Variants in GRIK2 observed in about 807,000 individuals in gnomAD.
GRIK2 encodes glutamate receptor ionotropic, kainate 2.
Under a neutral mutation model 100.3 loss-of-function variants are expected in GRIK2, and 32 were observed. The ratio of observed to expected loss-of-function variants is 0.32; its 90% CI spans 0.24 to 0.43. The LOEUF (loss-of-function observed/expected upper bound fraction) is 0.43, where lower values mean the gene tolerates loss of function less well. Ranked by LOEUF, GRIK2 falls within the 20% of genes least tolerant of loss-of-function variation. The pLI, the probability that GRIK2 is intolerant of heterozygous loss-of-function variation, is 1.00. For synonymous variants in GRIK2, 417 were observed against 389.4 expected, an observed-to-expected ratio of 1.07 and a Z score of -0.83; for missense variants, 843 against 1,114.9, an observed-to-expected ratio of 0.76 and a Z score of 3.47.
intron 2 of GRIK2, among the ~76,000 whole-genome samples, chr6:101,506,119 A>T (rs979525621): frequency 6.6e-6 from 1 of 152,112 alleles, no homozygotes; most frequent in African/African-American, 2.4e-5. Context: ...CATTTTACAG[A>T]TGAGGTCTAA....
chr6:101,947,956 C>T (rs1459913319), intron 14 of GRIK2, among the ~76,000 whole-genome samples: 1 of 152,084 alleles, frequency 6.6e-6, no homozygotes, highest in Non-Finnish European at 1.5e-5. Flanking sequence ...GCTTGGCAGT[C>T]TTCATATTGG....
intron 2 of GRIK2, among the ~76,000 whole-genome samples, chr6:101,566,709 A>G (rs1777292829): frequency 6.6e-6 from 1 of 151,140 alleles, no homozygotes; most frequent in Admixed American, 6.6e-5. Flanking sequence ...TTCAAAATCA[A>G]TCAGTGAATT....
At chr6:102,002,098 A>G (rs1285600026) in intron 14 of GRIK2, among the ~76,000 whole-genome samples, 2 of 151,296 alleles carry the variant, frequency 1.3e-5, no homozygotes, top group South Asian at 2.1e-4. Context: ...AAAGTTTTAA[A>G]GCTTTCTTCT....
chr6:101,858,949 C>T (rs9386295), intron 10 of GRIK2, among the ~76,000 whole-genome samples: 25,131 of 150,782 alleles, frequency 0.17, 3,579 homozygotes, highest in East Asian at 0.78. Flanking sequence ...AATTAGATGT[C>T]GGATATGATG....
intron 10 of GRIK2, among the ~76,000 whole-genome samples, chr6:101,840,654 C>A (rs950595570): frequency 6.6e-6 from 1 of 152,078 alleles, no homozygotes; most frequent in Non-Finnish European, 1.5e-5. Flanking sequence ...AGGCATATTT[C>A]TTATTAGGTG....
At chr6:101,953,754 C>T (rs1219426281) in intron 14 of GRIK2, among the ~76,000 whole-genome samples, 1 of 152,076 alleles carries the variant, frequency 6.6e-6, no homozygotes, top group Non-Finnish European at 1.5e-5. Context: ...AAAGCTTTTA[C>T]TATTAATGAC....
intron 4 of GRIK2, among the ~76,000 whole-genome samples, chr6:101,651,730 A>G (rs1381447382): frequency 1.3e-5 from 2 of 152,088 alleles, no homozygotes; most frequent in Non-Finnish European, 1.5e-5. Context: ...CTGTGTTTGG[A>G]TATGTTAAGT....
At chr6:101,595,706 GTGTGTGTGTGTGTATATATA>G (rs972092312) in intron 2 of GRIK2, among the ~76,000 whole-genome samples, 13 of 125,386 alleles carry the variant, frequency 1.0e-4, no homozygotes, top group African/African-American at 4.1e-4. Context: ...ATATGTGTGT[GTGTGTGTGTGTGTATATATA>G]TATATATATA....
intron 12 of GRIK2, among the ~76,000 whole-genome samples, chr6:101,897,983 A>C (rs1787580991): frequency 6.6e-6 from 1 of 151,884 alleles, no homozygotes; most frequent in African/African-American, 2.4e-5. Context: ...GTGGTGGGTC[A>C]GGTGAGGGAC....
At chr6:101,793,396 C>T (rs1270863005) in intron 7 of GRIK2, among the ~76,000 whole-genome samples, 1 of 152,110 alleles carries the variant, frequency 6.6e-6, no homozygotes. Flanking sequence ...GTGTGGATGT[C>T]CTTTCTGTTT....
chr6:101,664,901 A>G (rs1178282141), intron 4 of GRIK2, among the ~76,000 whole-genome samples: 2 of 152,172 alleles, frequency 1.3e-5, no homozygotes, highest in African/African-American at 2.4e-5. Context: ...ACAACAAAAA[A>G]TCAGTTCTTG....
intron 7 of GRIK2, among the ~76,000 whole-genome samples, chr6:101,700,275 A>G (rs1047012915): frequency 5.9e-5 from 9 of 152,036 alleles, no homozygotes; most frequent in African/African-American, 2.2e-4. Context: ...ATCACTAAGT[A>G]CAGGACACCC....
chr6:101,650,579 T>A (rs1029513505), intron 4 of GRIK2, among the ~76,000 whole-genome samples: 10 of 152,128 alleles, frequency 6.6e-5, no homozygotes, highest in African/African-American at 2.4e-4. Context: ...TGATGGTTGG[T>A]GAGCCCAGGG....
At chr6:101,674,261 T>G (rs1258046698) in intron 4 of GRIK2, among the ~76,000 whole-genome samples, 2 of 152,194 alleles carry the variant, frequency 1.3e-5, no homozygotes, top group Non-Finnish European at 2.9e-5. Context: ...GAAGATTGGT[T>G]AAAATATGCA....
intron 15 of GRIK2, among the ~76,000 whole-genome samples, chr6:102,037,013 A>G (rs141165414): frequency 1.3e-5 from 2 of 151,468 alleles, no homozygotes; most frequent in East Asian, 3.9e-4. Flanking sequence ...GCAACTCTGA[A>G]AAGTCTAGGA....
At chr6:101,586,234 C>G (rs887092804) in intron 2 of GRIK2, among the ~76,000 whole-genome samples, 10 of 151,598 alleles carry the variant, frequency 6.6e-5, no homozygotes, top group African/African-American at 2.4e-4. Flanking sequence ...TTCCATGGAA[C>G]AGAGACTAAA....
chr6:101,894,406 T>C (rs1787303112), intron 12 of GRIK2, among the ~76,000 whole-genome samples: 2 of 151,706 alleles, frequency 1.3e-5, no homozygotes, highest in South Asian at 2.1e-4. Context: ...CTCTGAATGT[T>C]AATTAAGAGT....
At chr6:101,495,849 C>T (rs1773414472) in intron 2 of GRIK2, among the ~76,000 whole-genome samples, 1 of 151,230 alleles carries the variant, frequency 6.6e-6, no homozygotes, top group Admixed American at 6.6e-5. Flanking sequence ...AAATATTAAA[C>T]TGATTTTATT....
In GRIK2 at chr6:101,686,207, T is replaced by C; in HGVS notation, c.805T>C (p.Tyr269His). The C allele has an allele frequency of 6.2e-7, 1 of 1,612,618 alleles. No homozygotes were observed. The highest frequency in any genetic ancestry group is 1.7e-5 in the Admixed American group (1 of 59,968). Residue 269 changes from tyrosine (Y) to histidine (H), a missense_variant, in exon 7 of 17, where the codon TAC (tyrosine) becomes CAC (histidine). By Grantham distance (83) the Tyr-to-His change is moderately conservative. Coordinates refer to ENST00000369134, the MANE Select transcript of GRIK2 (RefSeq NM_021956.5). ...CCTCTTTGCTCTTGATGTTGAGCCC[T>C]ACCGATACAGTGGTGTTAACATGAC... ...LDLFALDVEP[Y>H]RYSGVNMTGF...
Sources: allele counts gnomAD v4.1 joint callset (sites outside exome capture counted in the v4.1 genomes callset), GRCh38; gene constraint gnomAD v4.1.1; transcripts MANE v1.5; gene names NCBI Gene and HGNC (gene_info 2026-07-23, HGNC 2026-07-21).